Variants in ADORA2A observed in about 807,000 individuals in gnomAD.
ADORA2A encodes the protein adenosine receptor A2a.
In ADORA2A, 11 loss-of-function variants were observed where a neutral mutation model predicts 18.4. The observed-to-expected ratio is 0.60, with a 90% CI of 0.38 to 0.99. The LOEUF (loss-of-function observed/expected upper bound fraction) is 0.99, where lower values mean the gene tolerates loss of function less well. ADORA2A is among the 50% of genes least tolerant of loss of function. The probability of loss-of-function intolerance (pLI) is 0.01; values close to 1 mark genes in which losing one functional copy is unlikely to be tolerated. For synonymous variants in ADORA2A, 218 were observed against 237.3 expected (o/e 0.92, Z 0.75); for missense variants, 449 against 556.1 (o/e 0.81, Z 1.94).
chr22:24,424,215 T>C (rs1420305298), upstream of ADORA2A, among the ~76,000 whole-genome samples: 1 of 151,552 alleles, frequency 6.6e-6, no homozygotes, highest in Non-Finnish European at 1.5e-5. The surrounding 1 kb of genome is among the most constrained non-coding windows in gnomAD (Gnocchi z 4.9). Flanking sequence ...CACAGTCACG[T>C]CCCAGGCGCA....
rs748699595 is a variant in ADORA2A at position 24,441,092 on chromosome 22, C to T, written c.842C>T (p.Ser281Leu). Residue 281 changes from serine to leucine, a missense_variant, in exon 3 of 3, where the codon TCG (serine) becomes TTG (leucine). Physicochemically the swap from Ser to Leu is moderately radical, Grantham distance 145. Coordinates refer to ENST00000337539, the MANE Select transcript of ADORA2A (RefSeq NM_000675.6). ...YLAIVLSHTN[S>L]VVNPFIYAYR... ...GCCATCGTCCTCTCCCACACCAATT[C>T]GGTTGTGAATCCCTTCATCTACGCC... 3.1e-6 allele frequency: 5 copies of T among 1,614,002 alleles called. No homozygotes were observed. The highest frequency in any genetic ancestry group is 1.3e-5 in the African/African-American group (1 of 74,932).
chr22:24,424,414 C>A (rs915054526), upstream of ADORA2A: 24 of 152,182 alleles, frequency 1.6e-4, no homozygotes, highest in African/African-American at 5.3e-4. This position sits in a 1 kb window ranked among gnomAD's most constrained non-coding sequence, Gnocchi z 4.9. Flanking sequence ...CGGCCCCGCG[C>A]GCTCGCATGA....
chr22:24,440,323 AT>A (rs1388344582), intron 2 of ADORA2A, among the ~76,000 whole-genome samples: 1 of 152,200 alleles, frequency 6.6e-6, no homozygotes, highest in East Asian at 1.9e-4. Context: ...AAACTACTCA[AT>A]GACCATCTGG....
Position 24,441,373 on chromosome 22 carries a change from C to A in ADORA2A, c.1123C>A (p.Gln375Lys). Residue 375 changes from glutamine to lysine, a missense_variant, in exon 3 of 3, where the codon CAG (glutamine) becomes AAG (lysine). Transcript: ENST00000337539. ...LVSGGSAQES[Q>K]GNTGLPDVEL... ...GAGTGGAGGGAGTGCCCAAGAGTCC[C>A]AGGGGAACACGGGCCTCCCAGACGT... The A allele has an allele frequency of 1.3e-6, 2 of 1,578,650 alleles. No individual in the cohort carries two copies. The highest frequency in any genetic ancestry group is 1.7e-6 in the Non-Finnish European group (2 of 1,162,374).
intron 2 of ADORA2A, among the ~76,000 whole-genome samples, chr22:24,438,931 C>T (rs569715368): frequency 7.9e-5 from 12 of 152,244 alleles, no homozygotes; most frequent in East Asian, 3.9e-4. Flanking sequence ...TTTTGCATGG[C>T]GCTGAAGACC....
At chr22:24,425,974 G>A (rs1178827012), upstream of ADORA2A, among the ~76,000 whole-genome samples, 4 of 152,240 alleles carry the variant, frequency 2.6e-5, no homozygotes, top group East Asian at 1.9e-4. Flanking sequence ...GTGCTGGAGC[G>A]GGGAACCCGG....
chr22:24,439,591 A>C (rs370086781), intron 2 of ADORA2A: 2 of 151,966 alleles, frequency 1.3e-5, no homozygotes, highest in African/African-American at 2.4e-5. Flanking sequence ...GTCATCCCTC[A>C]GTGATCATCA....
At chr22:24,427,117 G>A (rs1202770327), upstream of ADORA2A, among the ~76,000 whole-genome samples, 8 of 152,180 alleles carry the variant, frequency 5.3e-5, no homozygotes, top group Admixed American at 5.2e-4. Flanking sequence ...TGGCATCTGG[G>A]CAGGAGACTT....
At chr22:24,430,742 G>C (rs1029952549) in intron 1 of ADORA2A, among the ~76,000 whole-genome samples, 13 of 152,266 alleles carry the variant, frequency 8.5e-5, no homozygotes, top group Admixed American at 8.5e-4. Flanking sequence ...AGCGTGGTCT[G>C]GGGCTGCATC....
At chr22:24,437,179 C>T (rs1051467903) in intron 2 of ADORA2A, among the ~76,000 whole-genome samples, 7 of 152,182 alleles carry the variant, frequency 4.6e-5, no homozygotes, top group Non-Finnish European at 7.3e-5. Context: ...TGGAGATCCC[C>T]AGAAAGGGGC....
At chr22:24,435,440 G>A (rs1484391541) in intron 2 of ADORA2A, among the ~76,000 whole-genome samples, 1 of 152,222 alleles carries the variant, frequency 6.6e-6, no homozygotes, top group Admixed American at 6.5e-5. Flanking sequence ...CTGATTCAAA[G>A]GGTATGATCA....
At chr22:24,433,884 C>A in intron 2 of ADORA2A, 148 bp downstream of exon 2, 1 of 895,042 alleles carries the variant, frequency 1.1e-6, no homozygotes, top group Non-Finnish European at 1.7e-6. Context: ...TCAGCAGGGG[C>A]TCCCCAGGGC....
chr22:24,438,626 C>T (rs2043239982), intron 2 of ADORA2A: 1 of 152,180 alleles, frequency 6.6e-6, no homozygotes, highest in Middle Eastern at 3.1e-3. Flanking sequence ...ATGGGCTTGT[C>T]CGGTTACTGT....
chr22:24,431,210 G>A (rs878918820), intron 1 of ADORA2A: 6 of 456,632 alleles, frequency 1.3e-5, no homozygotes, highest in African/African-American at 8.0e-5. Context: ...GGGAGGACTC[G>A]GCCCTCTCCA....
At chr22:24,438,915 C>T (rs953609052) in intron 2 of ADORA2A, among the ~76,000 whole-genome samples, 10 of 152,012 alleles carry the variant, frequency 6.6e-5, no homozygotes, top group African/African-American at 2.4e-4. Context: ...TAATAGCAGG[C>T]GTACGTTTTG....
Position 24,441,656 on chromosome 22 carries a change from C to T in ADORA2A, c.*167C>T. ...CCCCAGGCTGGAGCAGCATGAGGCCCAGCAAGAAGGGCTTGGGTTCTGAGG... is the reference window on the plus strand; with the variant it reads ...CCCCAGGCTGGAGCAGCATGAGGCCTAGCAAGAAGGGCTTGGGTTCTGAGG... On this transcript the variant is annotated 3_prime_UTR_variant, in exon 3 of 3. Coordinates refer to ENST00000337539, the MANE Select transcript of ADORA2A (RefSeq NM_000675.6). The T allele has an allele frequency of 1.6e-6, 1 of 619,338 alleles. No individual in the cohort carries two copies. The highest frequency in any genetic ancestry group is 2.5e-6 in the Non-Finnish European group (1 of 404,264). 38.4% of individuals were successfully genotyped at this position (619,338 alleles called of 1,614,324 possible).
At chr22:24,432,337 T>C (rs1213575950) in intron 1 of ADORA2A, 1 of 153,096 alleles carries the variant, frequency 6.5e-6, no homozygotes, top group Non-Finnish European at 1.5e-5. Flanking sequence ...GTCTCTGGCT[T>C]GTCCTTTCAC....
intron 1 of ADORA2A, among the ~76,000 whole-genome samples, chr22:24,428,999 G>A (rs551353709): frequency 6.6e-6 from 1 of 152,376 alleles, no homozygotes; most frequent in East Asian, 1.9e-4. Flanking sequence ...CCCAGGAACA[G>A]GCCAGGCATG....
At chr22:24,426,476 G>A (rs1164071998), upstream of ADORA2A, among the ~76,000 whole-genome samples, 2 of 152,224 alleles carry the variant, frequency 1.3e-5, 1 homozygote, top group Admixed American at 1.3e-4. Flanking sequence ...GCTCCCAGAA[G>A]GGTCTGGGCC....
Sources: gnomAD v4.1 joint callset for allele counts (sites outside exome capture counted in the v4.1 genomes callset) on GRCh38, gnomAD v4.1.1 for gene constraint, Gnocchi (gnomAD v3.1) non-coding constraint, MANE v1.5 for transcripts, NCBI Gene and HGNC (gene_info 2026-07-23, HGNC 2026-07-21) for gene names.